NHSL1: variants seen among roughly 807,000 people sequenced by gnomAD.
The protein encoded by NHSL1 is NHS-like protein 1.
A neutral mutation model predicts 95.0 loss-of-function variants in NHSL1; 48 were observed. The observed-to-expected ratio is 0.51, with a 90% confidence interval of 0.40 to 0.64. The LOEUF (loss-of-function observed/expected upper bound fraction) is 0.64. Among genes scored for constraint, NHSL1 ranks in the 30% least tolerant of loss-of-function variants. The pLI is 0.00. For synonymous variants in NHSL1, 783 were observed against 833.9 expected (o/e 0.94, Z 1.05); for missense variants, 1,971 against 2,077.7 (o/e 0.95, Z 1.00).
chr6:138,552,248 G>A (rs1393169768), intron 1 of NHSL1, among the ~76,000 whole-genome samples: 2 of 152,088 alleles, frequency 1.3e-5, no homozygotes, highest in Admixed American at 6.5e-5. Flanking sequence ...GTGAAACCTC[G>A]TCTCTACTCA....
intron 1 of NHSL1, among the ~76,000 whole-genome samples, chr6:138,632,227 G>A (rs533080263): frequency 6.6e-6 from 1 of 152,322 alleles, no homozygotes; most frequent in East Asian, 1.9e-4. Flanking sequence ...AGGTAGACTT[G>A]TAAGGTTTTT....
intron 2 of NHSL1, among the ~76,000 whole-genome samples, chr6:138,477,386 G>C (rs2128253392): frequency 6.6e-6 from 1 of 152,326 alleles, no homozygotes; most frequent in African/African-American, 2.4e-5. Context: ...GATTGCTTGA[G>C]GCCAGGAGTT....
intron 1 of NHSL1, among the ~76,000 whole-genome samples, chr6:138,645,296 C>T (rs1392314572): frequency 6.6e-6 from 1 of 152,178 alleles, no homozygotes; most frequent in Non-Finnish European, 1.5e-5. Context: ...GCACTCAGCA[C>T]TCTGGCCTTT....
upstream of NHSL1, among the ~76,000 whole-genome samples, chr6:138,693,071 G>A (rs1468178117): frequency 7.9e-5 from 12 of 151,608 alleles, no homozygotes; most frequent in Non-Finnish European, 1.5e-4. This position sits in a 1 kb window ranked among gnomAD's most constrained non-coding sequence, Gnocchi z 4.3. Flanking sequence ...AGTTCCAGGG[G>A]CAGCTCTGGG....
chr6:138,654,185 T>C (rs1401071168), intron 1 of NHSL1, among the ~76,000 whole-genome samples: 1 of 152,202 alleles, frequency 6.6e-6, no homozygotes, highest in Non-Finnish European at 1.5e-5. Context: ...TCATTTATCA[T>C]TAAACTGAAA....
At chr6:138,535,267 A>G (rs2128318977) in intron 1 of NHSL1, among the ~76,000 whole-genome samples, 1 of 152,280 alleles carries the variant, frequency 6.6e-6, no homozygotes, top group South Asian at 2.1e-4. Context: ...GGAATAAGAA[A>G]AAAAAGTAGT....
At chr6:138,645,283 C>A (rs186443683) in intron 1 of NHSL1, among the ~76,000 whole-genome samples, 42 of 152,250 alleles carry the variant, frequency 2.8e-4, no homozygotes, top group African/African-American at 9.1e-4. Flanking sequence ...AACAGGGCCC[C>A]GGGCACTCAG....
Position 138,514,274 on chromosome 6 carries a change from C to T in NHSL1, c.17-17903G>A, listed in dbSNP as rs139323286. Among the ~76,000 whole-genome samples the T allele has an allele frequency of 1.7e-3, 264 of 152,128 alleles. 6 individuals carry two copies. The East Asian group carries it at 0.038, about 22-fold the overall frequency. ...AGGGGGTTGCAGTGAGCCGAGATCA[C>T]GCCACTGCACTCCAGCCTGGGTGAC... On this transcript the variant is annotated intron_variant, in intron 1 of 4. Coordinates refer to the NHSL1 transcript ENST00000342260.
At chr6:138,636,899 T>C (rs1487129285) in intron 1 of NHSL1, among the ~76,000 whole-genome samples, 2 of 152,116 alleles carry the variant, frequency 1.3e-5, no homozygotes, top group Non-Finnish European at 2.9e-5. Context: ...TTCACAGAGA[T>C]AGAAGAAACA....
chr6:138,546,989 A>T (rs1017653078), upstream of NHSL1, among the ~76,000 whole-genome samples: 2 of 152,200 alleles, frequency 1.3e-5, no homozygotes, highest in African/African-American at 4.8e-5. Context: ...CAGAGACGTG[A>T]GTCTCCTGGC....
intron 1 of NHSL1, among the ~76,000 whole-genome samples, chr6:138,560,469 A>C (rs1783369999): frequency 6.6e-6 from 1 of 152,226 alleles, no homozygotes; most frequent in Non-Finnish European, 1.5e-5. Context: ...TGGACTTGGG[A>C]AGCTAGCAAG....
intron 1 of NHSL1, among the ~76,000 whole-genome samples, chr6:138,530,754 G>T (rs545263492): frequency 6.6e-6 from 1 of 152,260 alleles, no homozygotes; most frequent in East Asian, 1.9e-4. Flanking sequence ...GTGATATATA[G>T]CTATGAGGAT....
chr6:138,600,649 A>T (rs1402638182), intron 1 of NHSL1, among the ~76,000 whole-genome samples: 1 of 152,232 alleles, frequency 6.6e-6, no homozygotes, highest in Non-Finnish European at 1.5e-5. Context: ...ATGAAAAATA[A>T]TATTAATACC....
At chr6:138,517,839 G>C (rs1235028732) in intron 1 of NHSL1, among the ~76,000 whole-genome samples, 1 of 152,194 alleles carries the variant, frequency 6.6e-6, no homozygotes, top group Non-Finnish European at 1.5e-5. Context: ...CAGTGCTGCT[G>C]GGCTTGCCAG....
intron 1 of NHSL1, among the ~76,000 whole-genome samples, chr6:138,662,339 TATA>T (rs2114736214): frequency 6.6e-6 from 1 of 152,318 alleles, no homozygotes; most frequent in East Asian, 1.9e-4. Context: ...CCAATGAACC[TATA>T]ATATTACTCT....
At chr6:138,612,719 T>C (rs986310568) in intron 1 of NHSL1, among the ~76,000 whole-genome samples, 1 of 152,234 alleles carries the variant, frequency 6.6e-6, no homozygotes, top group African/African-American at 2.4e-5. Context: ...ATCTTCCCTT[T>C]TAACTAACCT....
chr6:138,516,950 AT>A (rs1781486357), intron 1 of NHSL1, among the ~76,000 whole-genome samples: 1 of 152,176 alleles, frequency 6.6e-6, no homozygotes, highest in Non-Finnish European at 1.5e-5. Flanking sequence ...GAAAGTTTCC[AT>A]GCAAAATAGT....
chr6:138,609,546 C>T (rs1409910159), intron 1 of NHSL1, among the ~76,000 whole-genome samples: 1 of 151,966 alleles, frequency 6.6e-6, no homozygotes, highest in South Asian at 2.1e-4. Flanking sequence ...GTCAAGAGCT[C>T]GAGACCATCC....
upstream of NHSL1, among the ~76,000 whole-genome samples, chr6:138,549,954 TG>T (rs1222937058): frequency 6.6e-6 from 1 of 152,026 alleles, no homozygotes; most frequent in African/African-American, 2.4e-5. Flanking sequence ...AAAAATCCCT[TG>T]TGGGCCGGGC....
Sources: allele counts gnomAD v4.1 joint callset (sites outside exome capture counted in the v4.1 genomes callset), GRCh38; gene constraint gnomAD v4.1.1; non-coding constraint Gnocchi (gnomAD v3.1); transcripts MANE v1.5; gene names NCBI Gene and HGNC (gene_info 2026-07-23, HGNC 2026-07-21).